SLC24A3: variants seen among roughly 807,000 people sequenced by gnomAD.
SLC24A3 encodes the protein sodium/potassium/calcium exchanger 3.
In SLC24A3, 28 loss-of-function variants were observed where a neutral mutation model predicts 75.8. That is an observed-to-expected ratio of 0.37 (90% CI 0.27 to 0.51). The LOEUF (loss-of-function observed/expected upper bound fraction) is 0.51. Among genes scored for constraint, SLC24A3 ranks in the 20% least tolerant of loss-of-function variants. The pLI is 0.94. For synonymous variants in SLC24A3, 372 were observed against 334.1 expected (o/e 1.11, Z -1.24); for missense variants, 663 against 847.8 (o/e 0.78, Z 2.71).
chr20:19,396,944 G>T (rs1412236591), intron 2 of SLC24A3, among the ~76,000 whole-genome samples: 1 of 152,182 alleles, frequency 6.6e-6, no homozygotes, highest in Non-Finnish European at 1.5e-5. Flanking sequence ...TTCAGGATAT[G>T]TACCCACGGC....
intron 3 of SLC24A3, among the ~76,000 whole-genome samples, chr20:19,537,629 A>C (rs1344818535): frequency 1.3e-5 from 2 of 152,162 alleles, no homozygotes; most frequent in Non-Finnish European, 1.5e-5. Context: ...AACCAACCCA[A>C]ATGTCCAACA....
At chr20:19,606,923 G>A (rs1304917086) in intron 6 of SLC24A3, among the ~76,000 whole-genome samples, 1 of 152,196 alleles carries the variant, frequency 6.6e-6, no homozygotes, top group Non-Finnish European at 1.5e-5. Context: ...GCCAAGCCAT[G>A]CCTCACACTT....
intron 15 of SLC24A3, among the ~76,000 whole-genome samples, chr20:19,713,085 T>C (rs990353109): frequency 1.3e-5 from 2 of 152,200 alleles, no homozygotes. Context: ...AATTTTGTGG[T>C]GGGAATTTTA....
chr20:19,573,624 C>A (rs2031087254), intron 3 of SLC24A3, among the ~76,000 whole-genome samples: 1 of 152,224 alleles, frequency 6.6e-6, no homozygotes, highest in Non-Finnish European at 1.5e-5. Flanking sequence ...ATGGTGTCCT[C>A]AGGGCCCTGC....
chr20:19,494,070 G>T (rs373692642), intron 2 of SLC24A3, among the ~76,000 whole-genome samples: 3 of 152,320 alleles, frequency 2.0e-5, no homozygotes, highest in East Asian at 1.9e-4. Flanking sequence ...GGGGGAGAGG[G>T]TCTGTGACTG....
In SLC24A3 at chr20:19,696,806, A is replaced by G. The variant is rs1430150624; in HGVS notation, c.1501A>G (p.Ile501Val). ...TTCCTGCTCCTTCTAGGTCACAATC[A>G]TTGGTTACACCCTGGGGATTCCTGA... ...SYMMVWMVTI[I>V]GYTLGIPDVI... The change falls in exon 14 of 17, where the codon ATT becomes GTT. Residue 501 changes from isoleucine (I) to valine (V), a missense_variant. Ile to Val is a conservative substitution (Grantham distance 29). Transcript: ENST00000328041. 1.2e-6 allele frequency: 2 copies of G among 1,613,668 alleles called. No individual in the cohort carries two copies. The highest frequency in any genetic ancestry group is 1.7e-6 in the Non-Finnish European group (2 of 1,179,810).
chr20:19,638,014 A>G (rs527881084), intron 6 of SLC24A3, among the ~76,000 whole-genome samples: 3 of 152,176 alleles, frequency 2.0e-5, no homozygotes, highest in South Asian at 2.1e-4. Context: ...ACATAGGTAA[A>G]GTGTGCTGTG....
At chr20:19,597,746 C>A (rs571996813) in intron 6 of SLC24A3, among the ~76,000 whole-genome samples, 1 of 152,300 alleles carries the variant, frequency 6.6e-6, no homozygotes, top group East Asian at 1.9e-4. Context: ...TGCCCAGTTG[C>A]TGGTATCCAT....
At position 19,627,917 on chromosome 20, in the gene SLC24A3, G is replaced by A. The variant is rs906569903; in HGVS notation, c.613-26145G>A. ...AGTCACTGAGAAGAAAATACCCTCA[G>A]CTGGGAGTTGTGGCTCACTCCTGTA... is the stretch of plus-strand genomic sequence containing the variant. On this transcript the variant is annotated intron_variant, in intron 6 of 16. Coordinates refer to ENST00000328041, the MANE Select transcript of SLC24A3 (RefSeq NM_020689.4). 3.3e-5 allele frequency among the ~76,000 whole-genome samples: 5 copies of A among 152,192 alleles called. No individual in the cohort carries two copies. In the East Asian group the frequency reaches 7.8e-4, roughly 24 times the overall value.
At chr20:19,597,447 T>C (rs964211711) in intron 6 of SLC24A3, among the ~76,000 whole-genome samples, 6 of 152,176 alleles carry the variant, frequency 3.9e-5, no homozygotes, top group Admixed American at 2.0e-4. Flanking sequence ...ACGTATGGGA[T>C]ACATATTTTT....
intron 2 of SLC24A3, among the ~76,000 whole-genome samples, chr20:19,301,322 G>C (rs1022574198): frequency 6.6e-6 from 1 of 152,182 alleles, no homozygotes; most frequent in Non-Finnish European, 1.5e-5. Flanking sequence ...GGACAGGCTG[G>C]AGCAGGACAC....
intron 2 of SLC24A3, among the ~76,000 whole-genome samples, chr20:19,475,120 C>A (rs1987940264): frequency 1.3e-5 from 2 of 152,130 alleles, no homozygotes; most frequent in African/African-American, 4.8e-5. Flanking sequence ...GGGAGGATCA[C>A]AAGGTCAGGA....
At chr20:19,666,484 C>T (rs57392282) in intron 8 of SLC24A3, among the ~76,000 whole-genome samples, 7,844 of 151,878 alleles carry the variant, frequency 0.052, 582 homozygotes, top group African/African-American at 0.17. Flanking sequence ...CCAGCCTGGG[C>T]GACACAGTGA....
intron 2 of SLC24A3, among the ~76,000 whole-genome samples, chr20:19,511,462 G>A (rs1295486216): frequency 6.6e-6 from 1 of 152,006 alleles, no homozygotes; most frequent in East Asian, 1.9e-4. Context: ...CAGGTAGCTG[G>A]GACTACAGGC....
At chr20:19,709,904 G>T (rs1289588095) in intron 15 of SLC24A3, among the ~76,000 whole-genome samples, 1 of 152,142 alleles carries the variant, frequency 6.6e-6, no homozygotes, top group Non-Finnish European at 1.5e-5. Context: ...AGAACTAAAT[G>T]CACTATTGTA....
chr20:19,601,863 G>A (rs2031531353), intron 6 of SLC24A3, among the ~76,000 whole-genome samples: 1 of 152,164 alleles, frequency 6.6e-6, no homozygotes, highest in Non-Finnish European at 1.5e-5. Context: ...AGGAGTAGTA[G>A]TAGCATTAAT....
In SLC24A3 at chr20:19,458,198, C is replaced by T. The variant is rs1038420592; in HGVS notation, c.272-57290C>T. Among the ~76,000 whole-genome samples the T allele has an allele frequency of 3.3e-5, 5 of 152,224 alleles. No individual in the cohort carries two copies. The East Asian group carries it at 5.8e-4, about 18-fold the overall frequency. ...CCCCTCACATGCACACACACACACA[C>T]GTACGTCTATGTTCATGTGTGTGTT... On this transcript the variant is annotated intron_variant, in intron 2 of 16. Transcript: ENST00000328041.
chr20:19,580,210 T>C, intron 4 of SLC24A3, 136 bp downstream of exon 4: 1 of 661,940 alleles, frequency 1.5e-6, no homozygotes, highest in South Asian at 1.9e-5. Flanking sequence ...GGCATCACCA[T>C]GTTTGAGAGC....
intron 2 of SLC24A3, among the ~76,000 whole-genome samples, chr20:19,352,815 A>G (rs962532874): frequency 3.9e-5 from 6 of 152,104 alleles, no homozygotes; most frequent in African/African-American, 1.4e-4. Context: ...ACTCAGGGCT[A>G]TTTGCTTTTA....
Sources: allele counts gnomAD v4.1 joint callset (sites outside exome capture counted in the v4.1 genomes callset), GRCh38; gene constraint gnomAD v4.1.1; transcripts MANE v1.5; gene names NCBI Gene and HGNC (gene_info 2026-07-23, HGNC 2026-07-21).